Variants in NRXN3 observed in about 807,000 individuals in gnomAD.
The protein encoded by NRXN3 is neurexin 3.
In NRXN3, 32 loss-of-function variants were observed where a neutral mutation model predicts 137.6. The ratio of observed to expected loss-of-function variants is 0.23; its 90% CI spans 0.18 to 0.31. The LOEUF (loss-of-function observed/expected upper bound fraction) is 0.31, where lower values mean the gene tolerates loss of function less well. Ranked by LOEUF, NRXN3 falls within the 10% of genes least tolerant of loss-of-function variation. The pLI is 1.00. For missense variants in NRXN3, 1,574 were observed against 2,062.5 expected (o/e 0.76, Z 4.59); for synonymous variants, 798 against 784.5 (o/e 1.02, Z -0.29).
At chr14:78,173,224 C>A (rs943185367) in intron 1 of NRXN3, among the ~76,000 whole-genome samples, 1 of 151,866 alleles carries the variant, frequency 6.6e-6, no homozygotes, top group Non-Finnish European at 1.5e-5. Context: ...CTATTCTGCA[C>A]CCCCCTTTCT....
chr14:79,338,014 G>A (rs945712243), intron 15 of NRXN3, among the ~76,000 whole-genome samples: 3 of 152,090 alleles, frequency 2.0e-5, no homozygotes, highest in African/African-American at 4.8e-5. Context: ...GCTGGGGAAT[G>A]TAAAGTACAG....
chr14:78,240,416 A>G (rs750656482), intron 1 of NRXN3, among the ~76,000 whole-genome samples: 14 of 152,212 alleles, frequency 9.2e-5, no homozygotes, highest in Non-Finnish European at 1.8e-4. Context: ...AACATGGGCT[A>G]TACAGGGGAT....
At chr14:79,435,537 G>GCAATGAATA (rs1432293833) in intron 15 of NRXN3, among the ~76,000 whole-genome samples, 2 of 149,922 alleles carry the variant, frequency 1.3e-5, no homozygotes, top group African/African-American at 4.9e-5. Flanking sequence ...ATTGAACCTG[G>GCAATGAATA]CAATGAATAC....
At chr14:78,489,879 C>T (rs1413504474) in intron 4 of NRXN3, among the ~76,000 whole-genome samples, 1 of 150,900 alleles carries the variant, frequency 6.6e-6, no homozygotes, top group East Asian at 1.9e-4. Flanking sequence ...TCTAAGATGC[C>T]ACTCAAGAGC....
chr14:78,476,983 T>C (rs1177875904), intron 4 of NRXN3, among the ~76,000 whole-genome samples: 3 of 152,170 alleles, frequency 2.0e-5, no homozygotes, highest in Non-Finnish European at 4.4e-5. Context: ...CAGCAGCCAG[T>C]GGAAATGCCC....
At chr14:79,095,067 T>C (rs1405865570) in intron 15 of NRXN3, among the ~76,000 whole-genome samples, 1 of 151,168 alleles carries the variant, frequency 6.6e-6, no homozygotes, top group Non-Finnish European at 1.5e-5. Flanking sequence ...TGAATGTAAC[T>C]GAACTCCTAA....
intron 18 of NRXN3, among the ~76,000 whole-genome samples, chr14:79,697,418 C>T (rs2098739560): frequency 6.6e-6 from 1 of 151,816 alleles, no homozygotes. Flanking sequence ...CTTGATTGTT[C>T]AAGTTATCAA....
chr14:78,883,698 T>C (rs1486898473), intron 10 of NRXN3, among the ~76,000 whole-genome samples: 2 of 152,220 alleles, frequency 1.3e-5, no homozygotes, highest in East Asian at 1.9e-4. Context: ...TTTGCATTAA[T>C]TTTAACTGAG....
intron 1 of NRXN3, among the ~76,000 whole-genome samples, chr14:78,210,182 C>T (rs1169912240): frequency 6.6e-6 from 1 of 152,024 alleles, no homozygotes; most frequent in Non-Finnish European, 1.5e-5. Context: ...ATGGTTCTGG[C>T]GAGTGGGAAA....
intron 1 of NRXN3, among the ~76,000 whole-genome samples, chr14:78,224,687 T>C (rs1446842600): frequency 3.3e-5 from 5 of 150,118 alleles, no homozygotes; most frequent in Non-Finnish European, 7.4e-5. Flanking sequence ...ATTGGACATT[T>C]GGGTTGGTTC....
At chr14:78,974,361 C>G (rs1037787940) in intron 14 of NRXN3, among the ~76,000 whole-genome samples, 58 of 152,256 alleles carry the variant, frequency 3.8e-4, no homozygotes, top group African/African-American at 1.3e-3. Flanking sequence ...AGGGTAAGAA[C>G]TATATGGATT....
intron 4 of NRXN3, among the ~76,000 whole-genome samples, chr14:78,422,970 A>G (rs541221143): frequency 4.4e-4 from 67 of 152,324 alleles, no homozygotes; most frequent in Non-Finnish European, 8.8e-4. Flanking sequence ...AACAAATATC[A>G]CAAGATGCCT....
intron 4 of NRXN3, among the ~76,000 whole-genome samples, chr14:78,453,315 A>G (rs2094595689): frequency 6.6e-6 from 1 of 152,250 alleles, no homozygotes; most frequent in Non-Finnish European, 1.5e-5. Flanking sequence ...TGCAGCAGCC[A>G]ACTAGGACCA....
At chr14:78,557,323 G>A (rs1208120554) in intron 4 of NRXN3, among the ~76,000 whole-genome samples, 4 of 151,396 alleles carry the variant, frequency 2.6e-5, no homozygotes, top group Admixed American at 6.6e-5. Context: ...CAAAGTACTG[G>A]GATCACAGGT....
At chr14:78,772,689 G>T (rs1428191271) in intron 8 of NRXN3, among the ~76,000 whole-genome samples, 2 of 152,074 alleles carry the variant, frequency 1.3e-5, no homozygotes, top group East Asian at 1.9e-4. Context: ...ACTAGGTCTG[G>T]GGTGGGGCCT....
chr14:79,806,050 G>A (rs960376), intron 20 of NRXN3, among the ~76,000 whole-genome samples: 15,975 of 152,092 alleles, frequency 0.11, 1,139 homozygotes, highest in African/African-American at 0.19. Flanking sequence ...TAAGTTAAAC[G>A]TTTATATGTA....
intron 16 of NRXN3, among the ~76,000 whole-genome samples, chr14:79,638,658 T>G (rs1201748885): frequency 6.6e-6 from 1 of 152,244 alleles, no homozygotes. Flanking sequence ...TTTCAGTCAG[T>G]ATCACCATCT....
chr14:78,207,222 G>C (rs1159657597), intron 1 of NRXN3, among the ~76,000 whole-genome samples: 2 of 152,062 alleles, frequency 1.3e-5, no homozygotes, highest in Non-Finnish European at 2.9e-5. Context: ...GGGTGTGTTT[G>C]TTTCTTAAAG....
At chr14:78,880,239 C>CAA (rs59348965) in intron 10 of NRXN3, among the ~76,000 whole-genome samples, 334 of 44,388 alleles carry the variant, frequency 7.5e-3, no homozygotes, top group Middle Eastern at 0.02. Flanking sequence ...GACTCCGTCT[C>CAA]AAAAAAAAAA....
Sources: gnomAD v4.1 joint callset for allele counts (sites outside exome capture counted in the v4.1 genomes callset) on GRCh38, gnomAD v4.1.1 for gene constraint, MANE v1.5 for transcripts, NCBI Gene and HGNC (gene_info 2026-07-23, HGNC 2026-07-21) for gene names.